The following IRS2 variants were observed in gnomAD, a reference collection of about 807,000 sequenced individuals.
IRS2 encodes insulin receptor substrate 2.
Under a neutral mutation model 70.9 loss-of-function variants are expected in IRS2, and 28 were observed. The observed-to-expected ratio is 0.39, with a 90% CI of 0.29 to 0.54. The LOEUF (loss-of-function observed/expected upper bound fraction) is 0.54, where lower values mean the gene tolerates loss of function less well. Ranked by LOEUF, IRS2 falls within the 20% of genes least tolerant of loss-of-function variation. The pLI is 0.59. For synonymous variants in IRS2, 1,217 were observed against 981.9 expected, an observed-to-expected ratio of 1.24 and a Z score of -4.48; for missense variants, 2,081 against 2,024.1, an observed-to-expected ratio of 1.03 and a Z score of -0.54.
chr13:109,758,293 T>C (rs1019607835), intron 1 of IRS2, among the ~76,000 whole-genome samples: 40 of 152,188 alleles, frequency 2.6e-4, no homozygotes, highest in Admixed American at 2.6e-4. Flanking sequence ...AGCAGGTAAC[T>C]GAGACTCTGC....
At chr13:109,757,085 G>A (rs1251683916) in intron 1 of IRS2, among the ~76,000 whole-genome samples, 1 of 152,158 alleles carries the variant, frequency 6.6e-6, no homozygotes, top group Non-Finnish European at 1.5e-5. Context: ...TCCCTTCCAG[G>A]ATGAAGGATC....
In IRS2 at chr13:109,783,620, C is replaced by G. The variant is rs1455604327; in HGVS notation, c.2434G>C (p.Ala812Pro). The stretch of plus-strand genomic sequence containing the variant: ...CTGTCCCCGCCACAGGTGTAGGGGG[C>G]CTTGTAGGAGCGGGGCAAGGAGCTG... ...CYSSLPRSYK[A>P]PYTCGGDSDQ... The change falls in exon 1 of 2, where the codon GCC (alanine) becomes CCC (proline). Residue 812 changes from alanine (A) to proline (P), a missense_variant. Ala to Pro is a conservative substitution (Grantham distance 27, BLOSUM62 -1). Transcript: ENST00000375856. 1.3e-6 allele frequency: 2 copies of G among 1,549,542 alleles called. No individual in the cohort carries two copies. Among genetic ancestry groups the G allele is most frequent in the Admixed American group, 1.9e-5 (1 of 51,444 alleles).
In IRS2 at chr13:109,753,946, G is replaced by A. The variant is rs538548140; in HGVS notation, c.*2358C>T. 14 of 231,866 alleles carry A rather than the reference G, an allele frequency of 6.0e-5. No homozygotes were observed. The highest frequency in any genetic ancestry group is 1.7e-4 in the Admixed American group (3 of 17,744). 14.4% of individuals were successfully genotyped at this position (231,866 alleles called of 1,614,324 possible). On this transcript the variant is annotated 3_prime_UTR_variant, in exon 2 of 2. Transcript: ENST00000375856. The stretch of plus-strand genomic sequence containing the variant: ...CACTATTCTAGTCCAGTTTATTCTC[G>A]TCTCCAGCAGCATCACATTGACCCC...
At chr13:109,768,640 G>A (rs1249731357) in intron 1 of IRS2, among the ~76,000 whole-genome samples, 5 of 152,232 alleles carry the variant, frequency 3.3e-5, no homozygotes, top group Non-Finnish European at 7.4e-5. Flanking sequence ...CATAATGCAC[G>A]GGGCATCCCG....
intron 1 of IRS2, among the ~76,000 whole-genome samples, chr13:109,771,889 A>G (rs1306959537): frequency 3.3e-5 from 5 of 152,242 alleles, no homozygotes; most frequent in East Asian, 3.8e-4. Flanking sequence ...TCTCTGCTCA[A>G]TACACTCTAA....
In IRS2 at chr13:109,784,011, G is replaced by A. The variant is rs2138934411; in HGVS notation, c.2043C>T (p.Ala681=). Residue 681 remains alanine (A), a synonymous_variant, in exon 1 of 2, where the codon GCC becomes GCT. Transcript: ENST00000375856. This position sits in a 1 kb window ranked among gnomAD's most constrained non-coding sequence, Gnocchi z 5.2. ...AGATCTGCTTGGGGGCGGACACGCT[G>A]GCGGGGCTCATGGGCATGTAGTCGT... is the stretch of plus-strand genomic sequence containing the variant. ...RSDDYMPMSP[A]SVSAPKQILQ... is the part of the protein sequence containing the mutation. The A allele has an allele frequency of 6.5e-7, 1 of 1,536,114 alleles. No homozygotes were observed. The highest frequency in any genetic ancestry group is 8.7e-7 in the Non-Finnish European group (1 of 1,145,794).
intron 1 of IRS2, among the ~76,000 whole-genome samples, chr13:109,768,056 G>A (rs549203298): frequency 1.5e-4 from 23 of 152,186 alleles, no homozygotes; most frequent in African/African-American, 5.3e-4. Flanking sequence ...AACATTTCTA[G>A]TTACATGATT....
At position 109,785,377 on chromosome 13, in the gene IRS2, A is replaced by G; in HGVS notation, c.677T>C (p.Ile226Thr). The G allele has an allele frequency of 6.2e-7, 1 of 1,612,454 alleles. No homozygotes were observed. Among genetic ancestry groups the G allele is most frequent in the Non-Finnish European group, 8.5e-7 (1 of 1,179,876 alleles). The part of the protein sequence containing the change: ...VYRLCLSART[I>T]GFVKLNCEQP... Reference sequence around the variant, plus strand: ...CTCGCAGTTGAGCTTCACGAAGCCGATGGTGCGCGCAGACAGGCACAGACG... The same window carrying G: ...CTCGCAGTTGAGCTTCACGAAGCCGGTGGTGCGCGCAGACAGGCACAGACG... The change falls in exon 1 of 2, where the codon ATC becomes ACC. Residue 226 changes from isoleucine (I) to threonine (T), a missense_variant. Physicochemically the swap from Ile to Thr is moderately conservative, Grantham distance 89. Around this residue, in one of 4 missense-constraint regions of IRS2, gnomAD observed 320 missense variants for 352.9 expected, o/e 0.91. Coordinates refer to ENST00000375856, the MANE Select transcript of IRS2 (RefSeq NM_003749.3). This position sits in a 1 kb window ranked among gnomAD's most constrained non-coding sequence, Gnocchi z 9.3.
rs1171920210 is a variant in IRS2 at position 109,784,279 on chromosome 13, G to A, written c.1775C>T (p.Ser592Phe). 2 of 1,595,860 alleles carry A rather than the reference G, an allele frequency of 1.3e-6. No individual in the cohort carries two copies. The highest frequency in any genetic ancestry group is 1.7e-6 in the Non-Finnish European group (2 of 1,170,978). ...ARQRPVPQPS[S>F]ASLDEYTLMR... ...CAGGGTGTATTCATCCAGCGAGGCA[G>A]AGGAGGGCTGGGGCACCGGCCGCTG... The change falls in exon 1 of 2, where the codon TCT (serine) becomes TTT (phenylalanine). Residue 592 changes from serine (S) to phenylalanine (F), a missense_variant. By Grantham distance (155) the Ser-to-Phe change is radical. Around this residue, in one of 4 missense-constraint regions of IRS2, gnomAD observed 1,615 missense variants for 1,459.5 expected, o/e 1.11. Coordinates refer to ENST00000375856, the MANE Select transcript of IRS2 (RefSeq NM_003749.3). This position sits in a 1 kb window ranked among gnomAD's most constrained non-coding sequence, Gnocchi z 5.2.
In IRS2 at chr13:109,784,408, A is replaced by T. The variant is rs1877845487; in HGVS notation, c.1646T>A (p.Leu549Gln). 6.2e-7 allele frequency: 1 copy of T among 1,610,036 alleles called. No individual in the cohort carries two copies. Among genetic ancestry groups the T allele is most frequent in the East Asian group, 2.2e-5 (1 of 44,786 alleles). Residue 549 changes from leucine (L) to glutamine (Q), a missense_variant, in exon 1 of 2, where the codon CTG (leucine) becomes CAG (glutamine). Leu to Gln is a moderately radical substitution (Grantham distance 113). Around this residue, in one of 4 missense-constraint regions of IRS2, gnomAD observed 1,615 missense variants for 1,459.5 expected, o/e 1.11. Transcript: ENST00000375856. This position sits in a 1 kb window ranked among gnomAD's most constrained non-coding sequence, Gnocchi z 5.2. ...GCGGTAGGAGCGGCCACAGTGGCTC[A>T]GGGGCCTGTCCATGGTCATGTACCC... ...FYGYMTMDRP[L>Q]SHCGRSYRRV... is the part of the protein sequence containing the mutation.
chr13:109,770,180 G>A (rs1192230601), intron 1 of IRS2, among the ~76,000 whole-genome samples: 1 of 152,210 alleles, frequency 6.6e-6, no homozygotes, highest in African/African-American at 2.4e-5. Flanking sequence ...GGTGGGGGCT[G>A]TGGCTGGCAG....
In IRS2 at chr13:109,783,034, G is replaced by A. The variant is rs1877769492; in HGVS notation, c.3020C>T (p.Ser1007Phe). 1.5e-6 allele frequency: 2 copies of A among 1,366,470 alleles called. No individual in the cohort carries two copies. Among genetic ancestry groups the A allele is most frequent in the Non-Finnish European group, 9.4e-7 (1 of 1,065,006 alleles). The allele number at this position is 1,366,470 out of a possible 1,614,324, so 84.6% of individuals were successfully genotyped here. A position where few individuals can be genotyped will look rare whatever the true frequency, so the allele number is the denominator to read the frequency against. ...HPVGSLDGLL[S>F]PEASSPYPPL... ...CGGATACGGGGAGGAGGCCTCGGGG[G>A]ACAGGAGGCCGTCCAAGGAGCCCAC... Residue 1007 changes from serine (S) to phenylalanine (F), a missense_variant, in exon 1 of 2, where the codon TCC becomes TTC. By Grantham distance (155) the Ser-to-Phe change is radical. This residue lies in a region of IRS2 where 1,615 missense variants were observed against 1,459.5 expected (regional missense o/e 1.11). Transcript: ENST00000375856.
chr13:109,775,120 T>C (rs1048332586), intron 1 of IRS2, among the ~76,000 whole-genome samples: 73 of 149,682 alleles, frequency 4.9e-4, no homozygotes, highest in South Asian at 1.3e-3. Context: ...CTTTCTTTTT[T>C]TTTTTTTTTT....
At chr13:109,761,467 T>C (rs1220348955) in intron 1 of IRS2, among the ~76,000 whole-genome samples, 1 of 152,156 alleles carries the variant, frequency 6.6e-6, no homozygotes, top group Non-Finnish European at 1.5e-5. Context: ...TTCAGCCTTT[T>C]ATGTTAAACA....
Position 109,783,555 on chromosome 13 carries a change from G to A in IRS2, c.2499C>T (p.Ile833=). Reference sequence around the variant, plus strand: ...GAGGCTCCAGACGCTCCTCCTCCAGGATGCGCCCCACGGGGGAGCTCATGA... The same window carrying A: ...GAGGCTCCAGACGCTCCTCCTCCAGAATGCGCCCCACGGGGGAGCTCATGA... The part of the protein sequence containing the change: ...YVLMSSPVGR[I]LEEERLEPQA... The change falls in exon 1 of 2, where the codon ATC becomes ATT. Residue 833 remains isoleucine (I), a synonymous_variant. Coordinates refer to ENST00000375856, the MANE Select transcript of IRS2 (RefSeq NM_003749.3). 1 of 1,549,940 alleles carries A rather than the reference G, an allele frequency of 6.5e-7. No homozygotes were observed. Among genetic ancestry groups the A allele is most frequent in the Admixed American group, 2.0e-5 (1 of 51,172 alleles).
chr13:109,783,265 C>A lies in IRS2; in HGVS notation c.2789G>T (p.Arg930Leu), dbSNP rs1240327417. The part of the protein sequence containing the change: ...INIDFGEPGA[R>L]LSPPAPPLLA... ...CAGGGGAGGCGCGGGCGGCGACAGG[C>A]GGGCCCCGGGCTCGCCAAAGTCGAT... Residue 930 changes from arginine (R) to leucine (L), a missense_variant, in exon 1 of 2, where the codon CGC (arginine) becomes CTC (leucine). By Grantham distance (102) the Arg-to-Leu change is moderately radical. Transcript: ENST00000375856. 2 of 1,445,610 alleles carry A rather than the reference C, an allele frequency of 1.4e-6. No homozygotes were observed. The highest frequency in any genetic ancestry group is 2.4e-5 in the Admixed American group (1 of 41,212). 89.5% of individuals were successfully genotyped at this position (1,445,610 alleles called of 1,614,324 possible). A position where few individuals can be genotyped will look rare whatever the true frequency, so the allele number is the denominator to read the frequency against.
chr13:109,759,741 C>G (rs773382610), intron 1 of IRS2, among the ~76,000 whole-genome samples: 1 of 152,100 alleles, frequency 6.6e-6, no homozygotes, highest in Non-Finnish European at 1.5e-5. Flanking sequence ...ATGATTAACA[C>G]GTGCAAGGGC....
chr13:109,786,256 G>C lies in IRS2; in HGVS notation c.-203C>G, dbSNP rs868608961. On this transcript the variant is annotated 5_prime_UTR_variant, in exon 1 of 2. Coordinates refer to ENST00000375856, the MANE Select transcript of IRS2 (RefSeq NM_003749.3). The surrounding 1 kb of genome is among the most constrained non-coding windows in gnomAD (Gnocchi z 4.4). ...CGCTCGGCGGCGCCGCGCCCTCCGC[G>C]CTCTGGGGCTCCTGAGGATGCCCGG... is the stretch of plus-strand genomic sequence containing the variant. 1 of 155,594 alleles carries C rather than the reference G, an allele frequency of 6.4e-6. No homozygotes were observed. Among genetic ancestry groups the C allele is most frequent in the Non-Finnish European group, 1.3e-5 (1 of 74,152 alleles). 9.6% of individuals were successfully genotyped at this position (155,594 alleles called of 1,614,324 possible).
chr13:109,755,214 C>T lies in IRS2; in HGVS notation c.*1090G>A, dbSNP rs1447542794. On this transcript the variant is annotated 3_prime_UTR_variant, in exon 2 of 2. Coordinates refer to ENST00000375856, the MANE Select transcript of IRS2 (RefSeq NM_003749.3). ...CTCTTTTTATCAGTTTCTTTCTTTC[C>T]TTTTTTTTTTTTCTTTTTGTTTTTT... The T allele has an allele frequency of 2.4e-5, 5 of 208,990 alleles. No individual in the cohort carries two copies. The highest frequency in any genetic ancestry group is 2.0e-4 in the South Asian group (1 of 5,120). The allele number at this position is 208,990 out of a possible 1,614,324, so 12.9% of individuals were successfully genotyped here.
Sources: gnomAD v4.1 joint callset for allele counts (sites outside exome capture counted in the v4.1 genomes callset) on GRCh38, gnomAD v4.1.1 for gene constraint, gnomAD v4.1.1 regional missense constraint, Gnocchi (gnomAD v3.1) non-coding constraint, MANE v1.5 for transcripts, NCBI Gene and HGNC (gene_info 2026-07-23, HGNC 2026-07-21) for gene names.